SORCS1: variants seen among roughly 807,000 people sequenced by gnomAD.
SORCS1 encodes VPS10 domain-containing receptor SorCS1.
SORCS1 carries 60 observed loss-of-function variants against 146.1 expected under a neutral mutation model. The observed-to-expected ratio is 0.41, with a 90% CI of 0.33 to 0.51. The LOEUF (loss-of-function observed/expected upper bound fraction) is 0.51. Ranked by LOEUF, SORCS1 falls within the 20% of genes least tolerant of loss-of-function variation. The probability of loss-of-function intolerance (pLI) is 0.21; values close to 1 mark genes in which losing one functional copy is unlikely to be tolerated. For synonymous variants in SORCS1, 637 were observed against 584.0 expected, an observed-to-expected ratio of 1.09 and a Z score of -1.31; for missense variants, 1,352 against 1,487.6, an observed-to-expected ratio of 0.91 and a Z score of 1.50.
At chr10:106,725,524 C>G (rs1024712959) in intron 6 of SORCS1, among the ~76,000 whole-genome samples, 9 of 149,672 alleles carry the variant, frequency 6.0e-5, no homozygotes, top group African/African-American at 9.9e-5. Flanking sequence ...ACACTCCAGC[C>G]TAGGCAACAA....
chr10:106,767,313 G>A (rs1859645379), intron 4 of SORCS1, among the ~76,000 whole-genome samples: 1 of 152,114 alleles, frequency 6.6e-6, no homozygotes, highest in African/African-American at 2.4e-5. Flanking sequence ...ACAGTTGAGG[G>A]TGGTACTCTG....
chr10:106,728,078 C>T (rs1295912521), intron 6 of SORCS1, among the ~76,000 whole-genome samples: 1 of 151,696 alleles, frequency 6.6e-6, no homozygotes. Flanking sequence ...TGTCGCCAGG[C>T]TGGAGAGCAG....
Position 107,146,851 on chromosome 10 carries a change from T to A in SORCS1, c.558+17118A>T, listed in dbSNP as rs190550422. The stretch of plus-strand genomic sequence containing the variant: ...AACTAGACTTTAATTTAGAGAATAA[T>A]GATTGTGACTACTTCCTATTGTACT... On this transcript the variant is annotated intron_variant, in intron 1 of 25. Transcript: ENST00000263054. Among the ~76,000 whole-genome samples the A allele has an allele frequency of 1.1e-3, 162 of 152,242 alleles. 2 individuals carry two copies. The highest frequency in any genetic ancestry group is 3.9e-3 in the African/African-American group (161 of 41,538).
chr10:106,650,689 A>T (rs1355286333), intron 18 of SORCS1, among the ~76,000 whole-genome samples: 1 of 152,180 alleles, frequency 6.6e-6, no homozygotes, highest in African/African-American at 2.4e-5. Flanking sequence ...TTTACTGGAA[A>T]TCTGAAATCT....
intron 3 of SORCS1, among the ~76,000 whole-genome samples, chr10:106,779,509 T>A (rs1666614154): frequency 6.6e-6 from 1 of 152,006 alleles, no homozygotes; most frequent in Admixed American, 6.6e-5. Context: ...GAGGATTTTA[T>A]TCTGGTTTTT....
intron 3 of SORCS1, among the ~76,000 whole-genome samples, chr10:106,796,912 A>T (rs1731899511): frequency 6.6e-6 from 1 of 152,180 alleles, no homozygotes; most frequent in African/African-American, 2.4e-5. Flanking sequence ...GATTGAGACC[A>T]TCCTGCCAAC....
intron 3 of SORCS1, among the ~76,000 whole-genome samples, chr10:106,777,762 C>A (rs529477514): frequency 6.6e-6 from 1 of 152,310 alleles, no homozygotes; most frequent in Non-Finnish European, 1.5e-5. Context: ...TAAATTACTT[C>A]ATTCCCAACT....
intron 1 of SORCS1, among the ~76,000 whole-genome samples, chr10:107,146,916 A>G (rs1406528762): frequency 6.6e-6 from 1 of 152,166 alleles, no homozygotes; most frequent in Non-Finnish European, 1.5e-5. Flanking sequence ...CTAGCGAATA[A>G]TAACAGTACC....
At chr10:107,013,076 C>T (rs1171277199) in intron 1 of SORCS1, among the ~76,000 whole-genome samples, 1 of 152,162 alleles carries the variant, frequency 6.6e-6, no homozygotes, top group Non-Finnish European at 1.5e-5. Flanking sequence ...AATTCCATAT[C>T]CCTAGGGGCT....
chr10:106,644,113 T>A (rs1299862796), intron 18 of SORCS1, among the ~76,000 whole-genome samples: 2 of 152,174 alleles, frequency 1.3e-5, no homozygotes, highest in African/African-American at 4.8e-5. Context: ...TTTGCCCAAA[T>A]ACCTAGATAT....
At chr10:106,759,764 C>T (rs536685576) in intron 5 of SORCS1, among the ~76,000 whole-genome samples, 35 of 152,194 alleles carry the variant, frequency 2.3e-4, no homozygotes, top group African/African-American at 6.5e-4. Flanking sequence ...TCTCTCTTCA[C>T]GTATTTCTCT....
chr10:107,164,686 G>C lies in SORCS1; in HGVS notation c.-160C>G, dbSNP rs980523803. ...AGGCGGCGCCGGGCAGGTGGCGGCC[G>C]CTTGCCCGGGCTGGGCTTGTGCCGA... On this transcript the variant is annotated 5_prime_UTR_variant, in exon 1 of 26. Coordinates refer to ENST00000263054, the MANE Select transcript of SORCS1 (RefSeq NM_052918.5). This position sits in a 1 kb window ranked among gnomAD's most constrained non-coding sequence, Gnocchi z 6.8. 6.6e-6 allele frequency among the ~76,000 whole-genome samples: 1 copy of C among 150,842 alleles called. No individual in the cohort carries two copies. The highest frequency in any genetic ancestry group is 1.5e-5 in the Non-Finnish European group (1 of 67,626).
At chr10:106,747,481 A>G (rs1857827726) in intron 5 of SORCS1, among the ~76,000 whole-genome samples, 1 of 152,230 alleles carries the variant, frequency 6.6e-6, no homozygotes, top group African/African-American at 2.4e-5. Context: ...ATCAGGGCTC[A>G]TCACCTACAT....
At chr10:107,084,893 T>C (rs981596401) in intron 1 of SORCS1, among the ~76,000 whole-genome samples, 1 of 152,194 alleles carries the variant, frequency 6.6e-6, no homozygotes, top group Admixed American at 6.5e-5. Context: ...CTAGAATCAA[T>C]CGTTCATGAG....
At chr10:107,027,969 T>C (rs559667370) in intron 1 of SORCS1, among the ~76,000 whole-genome samples, 1 of 152,196 alleles carries the variant, frequency 6.6e-6, no homozygotes, top group Non-Finnish European at 1.5e-5. Flanking sequence ...AAAATATGTA[T>C]GGTGAATGAG....
chr10:106,798,972 T>C (rs1355899209), intron 3 of SORCS1, among the ~76,000 whole-genome samples: 2 of 152,102 alleles, frequency 1.3e-5, no homozygotes, highest in Non-Finnish European at 2.9e-5. Flanking sequence ...CTACCTGACT[T>C]CAAACTATAC....
intron 2 of SORCS1, among the ~76,000 whole-genome samples, chr10:106,933,595 A>T (rs185237002): frequency 6.6e-6 from 1 of 152,312 alleles, no homozygotes; most frequent in East Asian, 1.9e-4. Context: ...GGAGTCCAAT[A>T]GTGAAACACA....
At chr10:106,850,343 G>A (rs1184326210) in intron 2 of SORCS1, among the ~76,000 whole-genome samples, 2 of 152,060 alleles carry the variant, frequency 1.3e-5, no homozygotes, top group African/African-American at 4.8e-5. Context: ...GGAGTGACCC[G>A]ATTTTCCAGG....
chr10:106,899,919 C>G (rs1032410161), intron 2 of SORCS1, among the ~76,000 whole-genome samples: 1 of 151,952 alleles, frequency 6.6e-6, no homozygotes, highest in Non-Finnish European at 1.5e-5. Flanking sequence ...CACTCTTCCT[C>G]TCTATATATT....
Sources: gnomAD v4.1 joint callset for allele counts (sites outside exome capture counted in the v4.1 genomes callset) on GRCh38, gnomAD v4.1.1 for gene constraint, Gnocchi (gnomAD v3.1) non-coding constraint, MANE v1.5 for transcripts, NCBI Gene and HGNC (gene_info 2026-07-23, HGNC 2026-07-21) for gene names.